Variants in ELK3 observed in about 807,000 individuals in gnomAD.
The protein encoded by ELK3 is ETS transcription factor ELK3, also known as ETS domain-containing protein Elk-3.
Under a neutral mutation model 28.9 loss-of-function variants are expected in ELK3, and 10 were observed. The observed-to-expected ratio is 0.35, with a 90% CI of 0.21 to 0.59. ELK3 has a LOEUF of 0.59. Ranked by LOEUF, ELK3 falls within the 20% of genes least tolerant of loss-of-function variation. The pLI is 0.82. For synonymous variants in ELK3, 272 were observed against 243.5 expected (o/e 1.12, Z -1.09); for missense variants, 463 against 517.3 (o/e 0.90, Z 1.02).
intron 1 of ELK3, among the ~76,000 whole-genome samples, chr12:96,212,398 C>T (rs1471830257): frequency 6.6e-6 from 1 of 152,210 alleles, no homozygotes; most frequent in Non-Finnish European, 1.5e-5. Flanking sequence ...CAGAGCTTGT[C>T]CTTCCATGTG....
chr12:96,262,017 C>CT lies in ELK3; in HGVS notation c.1125+2183dup, dbSNP rs57348208. On this transcript the variant is annotated intron_variant, in intron 4 of 4. Transcript: ENST00000228741. ...GGTCTGGGATAGGGCCTGATAAAAACTTTTTTTTTTTTTTTTTTTGAGACA... is the reference window on the plus strand; with the variant it reads ...GGTCTGGGATAGGGCCTGATAAAAACTTTTTTTTTTTTTTTTTTTTGAGACA... Among the ~76,000 whole-genome samples, 596 of 115,590 alleles carry CT rather than the reference C, an allele frequency of 5.2e-3. 4 individuals carry two copies. The highest frequency in any genetic ancestry group is 0.016 in the African/African-American group (510 of 31,438). 75.8% of individuals were successfully genotyped at this position (115,590 alleles called of 152,430 possible). A position where few individuals can be genotyped will look rare whatever the true frequency, so the allele number is the denominator to read the frequency against.
chr12:96,250,892 A>G (rs1416755970), intron 3 of ELK3, among the ~76,000 whole-genome samples: 1 of 152,240 alleles, frequency 6.6e-6, no homozygotes, highest in African/African-American at 2.4e-5. Flanking sequence ...ATTTCCAGCT[A>G]GAATCATGGC....
intron 1 of ELK3, among the ~76,000 whole-genome samples, chr12:96,217,937 CAAA>C (rs34565681): frequency 4.7e-5 from 4 of 85,732 alleles, no homozygotes. Context: ...GACGCCGTCT[CAAA>C]AAAAAAAAAA....
chr12:96,211,188 A>G (rs1951575935), intron 1 of ELK3, among the ~76,000 whole-genome samples: 1 of 152,212 alleles, frequency 6.6e-6, no homozygotes, highest in South Asian at 2.1e-4. Flanking sequence ...TAATTGCACT[A>G]AAAAGAAAAG....
chr12:96,204,256 C>T (rs1951525978), intron 1 of ELK3, among the ~76,000 whole-genome samples: 2 of 152,044 alleles, frequency 1.3e-5, no homozygotes, highest in South Asian at 2.1e-4. Flanking sequence ...TTCGTAGTTC[C>T]CTTGGATAAC....
intron 4 of ELK3, among the ~76,000 whole-genome samples, chr12:96,260,457 T>C (rs1268666121): frequency 6.6e-6 from 1 of 152,246 alleles, no homozygotes; most frequent in Non-Finnish European, 1.5e-5. Context: ...GAATCATCAT[T>C]AAGTTCTCCT....
chr12:96,261,898 A>G (rs1951995625), intron 4 of ELK3, among the ~76,000 whole-genome samples: 1 of 152,172 alleles, frequency 6.6e-6, no homozygotes, highest in South Asian at 2.1e-4. Flanking sequence ...ACTGTAGACC[A>G]ATGGTTCTCA....
intron 2 of ELK3, among the ~76,000 whole-genome samples, chr12:96,241,780 C>T (rs1376651337): frequency 3.3e-5 from 5 of 152,126 alleles, no homozygotes; most frequent in African/African-American, 9.7e-5. Context: ...GCAACTTGGA[C>T]GGGGTGAGGG....
chr12:96,242,010 T>C (rs1409334606), intron 2 of ELK3, among the ~76,000 whole-genome samples: 1 of 152,222 alleles, frequency 6.6e-6, no homozygotes, highest in Admixed American at 6.5e-5. Flanking sequence ...GGGAAGCGGA[T>C]GTGTGTAACA....
Position 96,206,409 on chromosome 12 carries a change from C to T in ELK3, c.-3+11704C>T, listed in dbSNP as rs537618549. On this transcript the variant is annotated intron_variant, in intron 1 of 4. Transcript: ENST00000228741. ...TCGGCTCACCACAACTTCCGCCTCC[C>T]AGGTTAAAGCGATTCTCCTGCCTCA... 2.0e-5 allele frequency among the ~76,000 whole-genome samples: 3 copies of T among 152,192 alleles called. No individual in the cohort carries two copies. In the East Asian group the frequency reaches 5.8e-4, roughly 29 times the overall value.
intron 1 of ELK3, among the ~76,000 whole-genome samples, chr12:96,215,024 A>G (rs958385980): frequency 3.9e-5 from 6 of 152,176 alleles, no homozygotes; most frequent in African/African-American, 1.4e-4. Flanking sequence ...AACAAACGAA[A>G]AAAGACATGG....
intron 1 of ELK3, among the ~76,000 whole-genome samples, chr12:96,206,379 C>T (rs900337261): frequency 2.0e-4 from 30 of 151,986 alleles, no homozygotes; most frequent in African/African-American, 5.3e-4. Flanking sequence ...CGCAGTGGCG[C>T]GATCTCGGCT....
chr12:96,240,937 T>C (rs1354754900), intron 2 of ELK3, among the ~76,000 whole-genome samples: 2 of 152,350 alleles, frequency 1.3e-5, no homozygotes, highest in Non-Finnish European at 2.9e-5. Context: ...GACAGACACA[T>C]GCAGCAAATA....
Position 96,246,271 on chromosome 12 carries a change from A to G in ELK3, c.208-669A>G, listed in dbSNP as rs746824500. Among the ~76,000 whole-genome samples, 6 of 152,318 alleles carry G rather than the reference A, an allele frequency of 3.9e-5. No individual in the cohort carries two copies. In the South Asian group the frequency reaches 6.2e-4, roughly 16 times the overall value. ...GGAAGTGCTCTAAGCTTATTTTCCA[A>G]ATTTTTAAAATAGGAGTCACAACAC... On this transcript the variant is annotated intron_variant, in intron 2 of 4. Transcript: ENST00000228741.
chr12:96,200,524 G>C (rs184149763), intron 1 of ELK3, among the ~76,000 whole-genome samples: 2 of 152,212 alleles, frequency 1.3e-5, no homozygotes, highest in South Asian at 4.2e-4. Context: ...TAGAGACAGA[G>C]CCTGGTTCTG....
intron 1 of ELK3, among the ~76,000 whole-genome samples, chr12:96,212,415 T>A (rs768738960): frequency 6.6e-6 from 1 of 152,244 alleles, no homozygotes; most frequent in Non-Finnish European, 1.5e-5. Flanking sequence ...TGTGAGACTC[T>A]GAGGGGGCCT....
At chr12:96,259,676 C>A in intron 3 of ELK3, 55 bp from the exon 4 acceptor site, 1 of 1,559,010 alleles carries the variant, frequency 6.4e-7, no homozygotes, top group South Asian at 1.2e-5. Flanking sequence ...CTCTGTTGAT[C>A]ATGGCCCAAG....
At chr12:96,224,278 G>C (rs1029403609) in intron 2 of ELK3, among the ~76,000 whole-genome samples, 3 of 152,112 alleles carry the variant, frequency 2.0e-5, no homozygotes, top group Non-Finnish European at 4.4e-5. Context: ...TCTCAGGATT[G>C]TGGTGATGAC....
rs1278908582 is a variant in ELK3, at chr12:96,269,594, CA to C, written c.*2415del. 6.6e-6 allele frequency: 1 copy of C among 152,126 alleles called. No homozygotes were observed. The highest frequency in any genetic ancestry group is 1.5e-5 in the Non-Finnish European group (1 of 68,014). 9.4% of individuals were successfully genotyped at this position (152,126 alleles called of 1,614,324 possible). ...GTGTGTGTGTGCATGTGTGTGTTAG[CA>C]GAGGTATTTTACTCAGAAAATAGGT... is the stretch of plus-strand genomic sequence containing the variant. On this transcript the variant is annotated 3_prime_UTR_variant, in exon 5 of 5. Transcript: ENST00000228741.
Sources: allele counts gnomAD v4.1 joint callset (sites outside exome capture counted in the v4.1 genomes callset), GRCh38; gene constraint gnomAD v4.1.1; transcripts MANE v1.5; gene names NCBI Gene and HGNC (gene_info 2026-07-23, HGNC 2026-07-21).